Variants in LRRIQ1 observed in about 807,000 individuals in gnomAD.
LRRIQ1 encodes leucine rich repeats and IQ motif containing 1.
In LRRIQ1, 210 loss-of-function variants were observed where a neutral mutation model predicts 211.9. The observed-to-expected ratio is 0.99, with a 90% CI of 0.89 to 1.11. LRRIQ1 has a LOEUF of 1.11. Among genes scored for constraint, LRRIQ1 ranks in the 50% most tolerant of loss-of-function variants. The pLI, the probability that LRRIQ1 is intolerant of heterozygous loss-of-function variation, is 0.00. For missense variants in LRRIQ1, 2,136 were observed against 1,939.5 expected, an observed-to-expected ratio of 1.10 and a Z score of -1.90; for synonymous variants, 699 against 650.1, an observed-to-expected ratio of 1.08 and a Z score of -1.14.
intron 24 of LRRIQ1, among the ~76,000 whole-genome samples, chr12:85,225,213 T>C (rs113000946): frequency 0.019 from 2,960 of 152,264 alleles, 37 homozygotes; most frequent in Middle Eastern, 0.034. Flanking sequence ...CTATAAATGA[T>C]TTAATGTACC....
chr12:85,106,494 C>T (rs760691805), intron 14 of LRRIQ1, 28 bp from the exon 15 acceptor site: 6 of 1,444,600 alleles, frequency 4.2e-6, no homozygotes, highest in Non-Finnish European at 5.8e-6. Context: ...TGTGATGATA[C>T]CTTTCAAAAT....
At chr12:85,153,846 C>T (rs1592894239) in intron 22 of LRRIQ1, 88 bp downstream of exon 22, 1 of 972,194 alleles carries the variant, frequency 1.0e-6, no homozygotes, top group Non-Finnish European at 1.5e-6. Flanking sequence ...TTTAAGAATA[C>T]CTATATTAGT....
At chr12:85,258,663 A>C (rs1482498796) in intron 1 of LRRIQ1, among the ~76,000 whole-genome samples, 1 of 151,896 alleles carries the variant, frequency 6.6e-6, no homozygotes, top group Non-Finnish European at 1.5e-5. Context: ...CAGCACTTAA[A>C]TTGATGTAAA....
intron 10 of LRRIQ1, among the ~76,000 whole-genome samples, chr12:85,072,689 C>A (rs1258110972): frequency 6.6e-6 from 1 of 151,690 alleles, no homozygotes; most frequent in Admixed American, 6.6e-5. Context: ...TAAATTCTAC[C>A]TTGTCCGATA....
intron 24 of LRRIQ1, among the ~76,000 whole-genome samples, chr12:85,213,722 T>G (rs557583680): frequency 6.6e-6 from 1 of 152,074 alleles, no homozygotes; most frequent in South Asian, 2.1e-4. Context: ...AAAGAACACT[T>G]AAAAACTTAT....
chr12:85,037,380 A>T (rs181084038), intron 1 of LRRIQ1, among the ~76,000 whole-genome samples: 5 of 148,492 alleles, frequency 3.4e-5, no homozygotes, highest in African/African-American at 1.3e-4. Context: ...TGTAGGCATA[A>T]AAAAAAAATC....
intron 24 of LRRIQ1, among the ~76,000 whole-genome samples, chr12:85,161,903 G>T (rs766795365): frequency 6.6e-6 from 1 of 152,160 alleles, no homozygotes; most frequent in Admixed American, 6.5e-5. Context: ...AGCCGGGCGT[G>T]GTGGTGGGCT....
intron 23 of LRRIQ1, chr12:85,159,510 C>T (rs1379958152): frequency 6.6e-6 from 1 of 151,906 alleles, no homozygotes; most frequent in African/African-American, 2.4e-5. Context: ...AACAATATTA[C>T]TTCTGTTGGA....
chr12:85,056,949 C>T lies in LRRIQ1; in HGVS notation c.2156C>T (p.Ala719Val). The change falls in exon 8 of 27, where the codon GCA becomes GTA. Residue 719 changes from alanine to valine, a missense_variant. By Grantham distance (64) the Ala-to-Val change is moderately conservative (BLOSUM62 0). Transcript: ENST00000393217. ...ATTTCAGAAAAATGCCATGAAAATG[C>T]ACCTGAACCTGATAGCATGACCTGC... Reference protein sequence around the residue: ...RNISEKCHENAPEPDSMTCCV... With the variant: ...RNISEKCHENVPEPDSMTCCV... 6.2e-7 allele frequency: 1 copy of T among 1,612,194 alleles called. No homozygotes were observed.
intron 10 of LRRIQ1, among the ~76,000 whole-genome samples, chr12:85,070,766 A>AT (rs1882996835): frequency 6.6e-6 from 1 of 151,834 alleles, no homozygotes. Flanking sequence ...AGCTGTATTC[A>AT]TTTTTTCTTC....
At chr12:85,145,620 C>G (rs1382764785) in intron 19 of LRRIQ1, among the ~76,000 whole-genome samples, 1 of 151,592 alleles carries the variant, frequency 6.6e-6, no homozygotes, top group Non-Finnish European at 1.5e-5. Context: ...TCTCCTTTTC[C>G]CCCAAGTTCC....
At chr12:85,231,878 C>T (rs1894959280) in intron 25 of LRRIQ1, among the ~76,000 whole-genome samples, 1 of 152,096 alleles carries the variant, frequency 6.6e-6, no homozygotes, top group Non-Finnish European at 1.5e-5. Context: ...CAAATTTCAA[C>T]ATGAGTTTTG....
intron 23 of LRRIQ1, among the ~76,000 whole-genome samples, chr12:85,158,549 G>T (rs1890686067): frequency 6.6e-6 from 1 of 151,820 alleles, no homozygotes; most frequent in African/African-American, 2.4e-5. Context: ...TAATAATATG[G>T]ATACTCTAAT....
intron 19 of LRRIQ1, among the ~76,000 whole-genome samples, chr12:85,142,073 C>G (rs7972439): frequency 0.22 from 33,158 of 151,230 alleles, 4,298 homozygotes; most frequent in Admixed American, 0.31. Flanking sequence ...TTTATCTTCT[C>G]TAAGAATAGA....
chr12:85,117,243 TCTC>T (rs1468833168), intron 15 of LRRIQ1, among the ~76,000 whole-genome samples: 1 of 152,130 alleles, frequency 6.6e-6, no homozygotes, highest in Admixed American at 6.5e-5. Flanking sequence ...TTTGATGACG[TCTC>T]CTCATTCAGC....
chr12:85,094,856 G>A (rs149668251), intron 11 of LRRIQ1, among the ~76,000 whole-genome samples: 22 of 151,934 alleles, frequency 1.4e-4, no homozygotes, highest in Non-Finnish European at 2.1e-4. Flanking sequence ...AGGTGTGTAC[G>A]TGTGTGTTTG....
chr12:85,086,935 C>CATCATT (rs1555204604), intron 11 of LRRIQ1, among the ~76,000 whole-genome samples: 20 of 149,264 alleles, frequency 1.3e-4, no homozygotes, highest in African/African-American at 4.0e-4. Flanking sequence ...GATTGTTCTT[C>CATCATT]ATTATTATTA....
chr12:85,169,235 T>C (rs1052161468), intron 24 of LRRIQ1, among the ~76,000 whole-genome samples: 1 of 152,154 alleles, frequency 6.6e-6, no homozygotes, highest in East Asian at 1.9e-4. Context: ...TAGCAAAATC[T>C]TGTAATCTGT....
At chr12:85,159,519 G>A (rs1890745595) in intron 23 of LRRIQ1, 1 of 151,892 alleles carries the variant, frequency 6.6e-6, no homozygotes, top group African/African-American at 2.4e-5. Flanking sequence ...ACTTCTGTTG[G>A]ACAGAGGAAG....
Sources: allele counts gnomAD v4.1 joint callset (sites outside exome capture counted in the v4.1 genomes callset), GRCh38; gene constraint gnomAD v4.1.1; transcripts MANE v1.5; gene names NCBI Gene and HGNC (gene_info 2026-07-23, HGNC 2026-07-21).